The following TRIO variants were observed in gnomAD, a reference collection of about 807,000 sequenced individuals.
TRIO encodes trio Rho guanine nucleotide exchange factor, also known as triple functional domain protein.
TRIO carries 58 observed loss-of-function variants against 351.9 expected under a neutral mutation model. That is an observed-to-expected ratio of 0.16 (90% CI 0.13 to 0.21). The LOEUF (loss-of-function observed/expected upper bound fraction) is 0.21, where lower values mean the gene tolerates loss of function less well. Ranked by LOEUF, TRIO falls within the 10% of genes least tolerant of loss-of-function variation. The pLI is 1.00. For synonymous variants in TRIO, 1,758 were observed against 1,595.7 expected, an observed-to-expected ratio of 1.10 and a Z score of -2.42; for missense variants, 3,201 against 4,027.8, an observed-to-expected ratio of 0.79 and a Z score of 5.56.
chr5:14,453,495 T>C (rs899777441), intron 34 of TRIO, among the ~76,000 whole-genome samples: 2 of 152,336 alleles, frequency 1.3e-5, no homozygotes, highest in Admixed American at 1.3e-4. Flanking sequence ...ATGTAGTGAG[T>C]TCTGTGCTAT....
intron 35 of TRIO, among the ~76,000 whole-genome samples, chr5:14,462,408 G>C (rs1435550087): frequency 6.6e-6 from 1 of 152,178 alleles, no homozygotes; most frequent in Non-Finnish European, 1.5e-5. Context: ...AGTGAAATCA[G>C]CTGGACCAAA....
intron 56 of TRIO, among the ~76,000 whole-genome samples, chr5:14,507,558 C>T (rs1363423659): frequency 5.3e-5 from 8 of 151,996 alleles, no homozygotes; most frequent in East Asian, 1.9e-4. Context: ...GTAGCTTAGG[C>T]GGGAAAGAGA....
Position 14,152,537 on chromosome 5 carries a change from T to A in TRIO, c.157+8655T>A, listed in dbSNP as rs568614851. Among the ~76,000 whole-genome samples the A allele has an allele frequency of 4.6e-5, 7 of 152,220 alleles. No homozygotes were observed. The South Asian group carries it at 1.5e-3, about 32-fold the overall frequency. On this transcript the variant is annotated intron_variant, in intron 1 of 56. Transcript: ENST00000344204. ...GGCGCCCGCCACCATGCCCAGCTAA[T>A]TTTTTTGTATTTCTAGTAGAGACGG... is the stretch of plus-strand genomic sequence containing the variant.
Position 14,498,137 on chromosome 5 carries a change from G to T in TRIO, c.8096G>T (p.Gly2699Val). The T allele has an allele frequency of 6.2e-7, 1 of 1,614,194 alleles. No individual in the cohort carries two copies. The highest frequency in any genetic ancestry group is 8.5e-7 in the Non-Finnish European group (1 of 1,180,032). ...IPLSEVTCET[G>V]ETVVLRCRVC... ...TTGAGTGAGGTCACGTGTGAGACAG[G>T]GGAGACCGTTGTTCTTAGATGTCGA... is the stretch of plus-strand genomic sequence containing the variant. The change falls in exon 52 of 57, where the codon GGG becomes GTG. Residue 2699 changes from glycine to valine, a missense_variant. Gly to Val is a moderately radical substitution (Grantham distance 109, BLOSUM62 -3). Around this residue, in one of 19 missense-constraint regions of TRIO, gnomAD observed 1,089 missense variants for 954.9 expected, o/e 1.14. Transcript: ENST00000344204.
At chr5:14,432,577 C>T (rs879273532) in intron 34 of TRIO, among the ~76,000 whole-genome samples, 4 of 152,186 alleles carry the variant, frequency 2.6e-5, no homozygotes, top group Non-Finnish European at 4.4e-5. Flanking sequence ...AAATGCATTC[C>T]ACTGCCCAGA....
chr5:14,150,837 G>A (rs1019999369), intron 1 of TRIO, among the ~76,000 whole-genome samples: 1 of 152,146 alleles, frequency 6.6e-6, no homozygotes, highest in Non-Finnish European at 1.5e-5. Flanking sequence ...ATTGCCCGGG[G>A]GTGATCTAGG....
chr5:14,487,675 C>T lies in TRIO; in HGVS notation c.7047C>T (p.Pro2349=). The part of the protein sequence containing the change: ...SRIPQPVRHH[P]PVLVSSAASS... ...TCCCCCAGCCTGTCCGACACCACCC[C>T]CCCGTGCTGGTCTCCTCTGCAGCCT... The change falls in exon 48 of 57, where the codon CCC becomes CCT. Residue 2349 remains proline, a synonymous_variant. Coordinates refer to ENST00000344204, the MANE Select transcript of TRIO (RefSeq NM_007118.4). The T allele has an allele frequency of 7.1e-7, 1 of 1,410,388 alleles. No individual in the cohort carries two copies. Among genetic ancestry groups the T allele is most frequent in the Non-Finnish European group, 9.3e-7 (1 of 1,070,790 alleles). 87.4% of individuals were successfully genotyped at this position (1,410,388 alleles called of 1,614,324 possible).
chr5:14,413,686 C>G (rs1318792704), intron 33 of TRIO, among the ~76,000 whole-genome samples: 1 of 152,134 alleles, frequency 6.6e-6, no homozygotes, highest in Non-Finnish European at 1.5e-5. Flanking sequence ...AAAACAAAAT[C>G]CCCCAGGCAG....
chr5:14,420,322 A>G (rs1031756964), intron 34 of TRIO: 3 of 339,722 alleles, frequency 8.8e-6, no homozygotes, highest in Non-Finnish European at 1.7e-5. Context: ...TCCTTCCTTT[A>G]TCATCTGTGC....
intron 33 of TRIO, among the ~76,000 whole-genome samples, chr5:14,417,934 C>T (rs908988022): frequency 4.6e-5 from 7 of 152,212 alleles, no homozygotes; most frequent in African/African-American, 1.7e-4. Context: ...ACATGCCTAC[C>T]ACCACTGGCA....
chr5:14,231,715 A>G (rs1793441412), intron 1 of TRIO, among the ~76,000 whole-genome samples: 1 of 152,232 alleles, frequency 6.6e-6, no homozygotes, highest in Non-Finnish European at 1.5e-5. Context: ...ATGACCTTAA[A>G]ACTTTTATTA....
At chr5:14,473,609 AAAAAG>A (rs1171802820) in intron 39 of TRIO, among the ~76,000 whole-genome samples, 1 of 152,270 alleles carries the variant, frequency 6.6e-6, no homozygotes, top group African/African-American at 2.4e-5. Context: ...CAAATAATCC[AAAAAG>A]AAAAGAAAAT....
At chr5:14,167,240 A>G (rs1028350167) in intron 1 of TRIO, among the ~76,000 whole-genome samples, 1 of 151,854 alleles carries the variant, frequency 6.6e-6, no homozygotes, top group Non-Finnish European at 1.5e-5. Flanking sequence ...TCTGGGGGGA[A>G]GATGGCATTG....
intron 38 of TRIO, 28 bp downstream of exon 38, chr5:14,471,494 T>G (rs764517787): frequency 1.2e-6 from 2 of 1,612,904 alleles, no homozygotes; most frequent in Non-Finnish European, 1.7e-6. Flanking sequence ...TCATTCTTAT[T>G]GTTCTCTGGG....
chr5:14,305,284 G>A (rs1189189132), intron 8 of TRIO, among the ~76,000 whole-genome samples: 2 of 152,206 alleles, frequency 1.3e-5, no homozygotes, highest in Non-Finnish European at 1.5e-5. Flanking sequence ...GCCATACCAC[G>A]TGGTAGCTGC....
chr5:14,189,922 G>A (rs1315800159), intron 1 of TRIO, among the ~76,000 whole-genome samples: 1 of 152,022 alleles, frequency 6.6e-6, no homozygotes, highest in African/African-American at 2.4e-5. Context: ...GGGTCTTGCT[G>A]TGTTGTCCAG....
chr5:14,187,829 CTT>C (rs200573307), intron 1 of TRIO, among the ~76,000 whole-genome samples: 6,189 of 152,180 alleles, frequency 0.041, 431 homozygotes, highest in African/African-American at 0.14. Context: ...CAAAATGAGA[CTT>C]ATGGGAGGGG....
At chr5:14,482,561 C>T (rs777753577) in intron 45 of TRIO, 21 bp from the exon 46 acceptor site, 3 of 1,419,732 alleles carry the variant, frequency 2.1e-6, no homozygotes, top group Non-Finnish European at 2.8e-6. Flanking sequence ...CTTCCTTTTC[C>T]CCCTTTATTT....
At chr5:14,159,321 CAAAA>C (rs34735917) in intron 1 of TRIO, among the ~76,000 whole-genome samples, 16 of 140,408 alleles carry the variant, frequency 1.1e-4, no homozygotes, top group Admixed American at 2.8e-4. Flanking sequence ...AAATCGCAGT[CAAAA>C]AAAAAAAAAA....
Sources: allele counts gnomAD v4.1 joint callset (sites outside exome capture counted in the v4.1 genomes callset), GRCh38; gene constraint gnomAD v4.1.1; regional missense constraint gnomAD v4.1.1; transcripts MANE v1.5; gene names NCBI Gene and HGNC (gene_info 2026-07-23, HGNC 2026-07-21).